The following TSHR variants were observed in gnomAD, a reference collection of about 807,000 sequenced individuals.
TSHR encodes thyrotropin receptor.
TSHR carries 51 observed loss-of-function variants against 64.1 expected under a neutral mutation model. The observed-to-expected ratio is 0.80, with a 90% CI of 0.64 to 1.01. TSHR has a LOEUF of 1.01. Ranked by LOEUF, TSHR falls within the 50% of genes least tolerant of loss-of-function variation. The pLI is 0.00. For missense variants in TSHR, 877 were observed against 942.8 expected (o/e 0.93, Z 0.91); for synonymous variants, 361 against 361.9 (o/e 1.00, Z 0.03).
chr14:81,144,961 T>C lies in TSHR; in HGVS notation c.*608T>C, dbSNP rs1486500211. 4.3e-6 allele frequency: 1 copy of C among 234,370 alleles called. No homozygotes were observed. Among genetic ancestry groups the C allele is most frequent in the Non-Finnish European group, 8.4e-6 (1 of 118,992 alleles). The allele number at this position is 234,370 out of a possible 1,614,324, so 14.5% of individuals were successfully genotyped here. On this transcript the variant is annotated 3_prime_UTR_variant, in exon 10 of 10. Transcript: ENST00000298171. ...TTTGTTTTTTAACTCAACCTATTAA[T>C]CATCTCTTCACAAGAATCCACCTGA...
chr14:81,006,909 C>T (rs1364060447), intron 1 of TSHR, among the ~76,000 whole-genome samples: 3 of 152,138 alleles, frequency 2.0e-5, no homozygotes, highest in African/African-American at 7.2e-5. Context: ...ATTATTAATG[C>T]TTTACATTAG....
At chr14:80,983,290 T>G (rs1240394859) in intron 1 of TSHR, 1 of 1,171,184 alleles carries the variant, frequency 8.5e-7, no homozygotes, top group Non-Finnish European at 1.2e-6. Flanking sequence ...CTAGGGCAAC[T>G]GACTACTGAT....
intron 1 of TSHR, among the ~76,000 whole-genome samples, chr14:80,975,023 T>G (rs966739690): frequency 7.9e-5 from 12 of 152,212 alleles, no homozygotes; most frequent in Admixed American, 3.9e-4. Context: ...ACATAATCAT[T>G]CTGTGTCTTA....
intron 8 of TSHR, among the ~76,000 whole-genome samples, chr14:81,114,674 C>A (rs1005820046): frequency 6.6e-6 from 1 of 152,194 alleles, no homozygotes; most frequent in African/African-American, 2.4e-5. Flanking sequence ...GGGTGGAGCC[C>A]ACCACAGCTC....
chr14:81,102,258 G>A (rs540711723), intron 7 of TSHR, among the ~76,000 whole-genome samples: 2 of 151,886 alleles, frequency 1.3e-5, no homozygotes, highest in African/African-American at 2.4e-5. Flanking sequence ...CTCTCCGTAC[G>A]TTCACACCAG....
At chr14:80,984,474 C>T (rs751943898) in intron 1 of TSHR, among the ~76,000 whole-genome samples, 3 of 152,150 alleles carry the variant, frequency 2.0e-5, no homozygotes, top group Admixed American at 6.5e-5. Flanking sequence ...ACTCATTAGT[C>T]TGGGTACCCT....
chr14:81,075,306 G>C (rs1312488422), intron 3 of TSHR, among the ~76,000 whole-genome samples: 5 of 152,134 alleles, frequency 3.3e-5, no homozygotes, highest in African/African-American at 9.7e-5. Context: ...ACCTATTCTG[G>C]TTAGGGGGCT....
intron 3 of TSHR, among the ~76,000 whole-genome samples, chr14:81,072,890 G>A (rs1192148840): frequency 3.6e-5 from 5 of 137,492 alleles, no homozygotes; most frequent in South Asian, 4.5e-4. Context: ...CCAGCTACTC[G>A]GGAGGCTGAG....
At chr14:81,008,174 T>A (rs951098539) in intron 1 of TSHR, among the ~76,000 whole-genome samples, 4 of 107,866 alleles carry the variant, frequency 3.7e-5, no homozygotes, top group Non-Finnish European at 7.7e-5. Context: ...TTTCTTTCTT[T>A]CTTTTTTTTT....
At chr14:81,011,634 T>A (rs534519366) in intron 1 of TSHR, among the ~76,000 whole-genome samples, 1 of 152,260 alleles carries the variant, frequency 6.6e-6, no homozygotes, top group East Asian at 1.9e-4. Context: ...TACTAGTTCA[T>A]CAGGTTCTAA....
At chr14:81,014,820 G>A (rs1890101870) in intron 1 of TSHR, among the ~76,000 whole-genome samples, 1 of 152,210 alleles carries the variant, frequency 6.6e-6, no homozygotes, top group South Asian at 2.1e-4. Context: ...CAAAGCCTTG[G>A]TTCTTCATGC....
chr14:81,000,752 T>G (rs1265318736), intron 1 of TSHR, among the ~76,000 whole-genome samples: 1 of 151,660 alleles, frequency 6.6e-6, no homozygotes, highest in African/African-American at 2.4e-5. Context: ...CACTCTCCAA[T>G]GCTTTAACAG....
At chr14:80,970,173 C>T (rs1374842697) in intron 1 of TSHR, among the ~76,000 whole-genome samples, 1 of 152,162 alleles carries the variant, frequency 6.6e-6, no homozygotes, top group Non-Finnish European at 1.5e-5. Context: ...ATGGAGCTCT[C>T]CATGAAGCCA....
At chr14:81,091,670 T>G (rs1888747928) in intron 5 of TSHR, among the ~76,000 whole-genome samples, 1 of 152,274 alleles carries the variant, frequency 6.6e-6, no homozygotes. Context: ...ACATGACATT[T>G]GCTCCTCTCA....
intron 4 of TSHR, among the ~76,000 whole-genome samples, chr14:81,090,121 A>G (rs958722992): frequency 6.6e-6 from 1 of 151,994 alleles, no homozygotes; most frequent in Non-Finnish European, 1.5e-5. Flanking sequence ...GGGAGGCATC[A>G]GGAGCCTGAG....
chr14:81,032,487 G>A lies in TSHR; in HGVS notation c.171-29661G>A. ...CCCTTGTAAAAGCAACAAGGGAGTT[G>A]TCAGAGTTTTCCATTTAGATCAACA... On this transcript the variant is annotated intron_variant, in intron 1 of 9. Coordinates refer to ENST00000298171, the MANE Select transcript of TSHR (RefSeq NM_000369.5). 3 of 355,592 alleles carry A rather than the reference G, an allele frequency of 8.4e-6. No individual in the cohort carries two copies. In the South Asian group the frequency reaches 8.8e-5, roughly 10 times the overall value. 22.0% of individuals were successfully genotyped at this position (355,592 alleles called of 1,614,324 possible). A position where few individuals can be genotyped will look rare whatever the true frequency, so the allele number is the denominator to read the frequency against.
Position 81,103,326 on chromosome 14 carries a change from G to C in TSHR, c.615-5049G>C. The C allele has an allele frequency of 1.0e-6, 1 of 985,370 alleles. No individual in the cohort carries two copies. The highest frequency in any genetic ancestry group is 1.2e-6 in the Non-Finnish European group (1 of 829,904). 61.0% of individuals were successfully genotyped at this position (985,370 alleles called of 1,614,324 possible). Reference sequence around the variant, plus strand: ...TTCAAGGATTTCACATGGCATGTTAGCAATTTGGTAATTTCTCCAGAAGTT... The same window carrying C: ...TTCAAGGATTTCACATGGCATGTTACCAATTTGGTAATTTCTCCAGAAGTT... On this transcript the variant is annotated intron_variant, in intron 7 of 9. Transcript: ENST00000298171. This position sits in a 1 kb window ranked among gnomAD's most constrained non-coding sequence, Gnocchi z 4.1.
At chr14:81,004,427 C>T (rs1244432831) in intron 1 of TSHR, among the ~76,000 whole-genome samples, 2 of 152,158 alleles carry the variant, frequency 1.3e-5, no homozygotes, top group African/African-American at 4.8e-5. Context: ...ACTGATTTGG[C>T]ACTCACATTT....
chr14:80,983,675 A>G (rs1267656718), intron 1 of TSHR: 2 of 667,778 alleles, frequency 3.0e-6, no homozygotes, highest in South Asian at 3.1e-5. Context: ...AACCATCTCC[A>G]AACTCTAGCA....
Sources: gnomAD v4.1 joint callset for allele counts (sites outside exome capture counted in the v4.1 genomes callset) on GRCh38, gnomAD v4.1.1 for gene constraint, Gnocchi (gnomAD v3.1) non-coding constraint, MANE v1.5 for transcripts, NCBI Gene and HGNC (gene_info 2026-07-23, HGNC 2026-07-21) for gene names.